The following DAB1 variants were observed in gnomAD, a reference collection of about 807,000 sequenced individuals.
DAB1 encodes the protein disabled homolog 1.
In DAB1, 15 loss-of-function variants were observed where a neutral mutation model predicts 64.6. The observed-to-expected ratio is 0.23, with a 90% CI of 0.16 to 0.36. The LOEUF (loss-of-function observed/expected upper bound fraction) is 0.36. DAB1 is among the 10% of genes least tolerant of loss of function. The pLI is 1.00. For missense variants in DAB1, 596 were observed against 706.7 expected, an observed-to-expected ratio of 0.84 and a Z score of 1.78; for synonymous variants, 235 against 251.9, an observed-to-expected ratio of 0.93 and a Z score of 0.64.
intron 6 of DAB1, among the ~76,000 whole-genome samples, chr1:57,691,494 C>A (rs763767784): frequency 3.9e-5 from 6 of 152,048 alleles, no homozygotes; most frequent in Non-Finnish European, 8.8e-5. Context: ...GCTGTGGAAG[C>A]TTTATTCTTT....
At chr1:57,287,818 C>T (rs534616912) in intron 2 of DAB1, among the ~76,000 whole-genome samples, 18 of 45,690 alleles carry the variant, frequency 3.9e-4, no homozygotes, top group African/African-American at 1.2e-3. Context: ...TTATTTGAGA[C>T]GGAGTCTCAT....
chr1:58,077,561 T>C (rs1435430631), intron 5 of DAB1, among the ~76,000 whole-genome samples: 2 of 152,188 alleles, frequency 1.3e-5, no homozygotes, highest in Non-Finnish European at 2.9e-5. Flanking sequence ...TTGACAATCT[T>C]ATGTAATTCC....
chr1:58,362,860 G>C (rs766488763), intron 3 of DAB1, among the ~76,000 whole-genome samples: 9 of 152,242 alleles, frequency 5.9e-5, no homozygotes, highest in Non-Finnish European at 1.3e-4. Context: ...GTCTTAGCCA[G>C]CTTGGGCTTC....
intron 5 of DAB1, among the ~76,000 whole-genome samples, chr1:58,060,676 A>C (rs1648441244): frequency 2.0e-5 from 3 of 152,232 alleles, no homozygotes; most frequent in Admixed American, 1.3e-4. Context: ...CTGGCCTGAG[A>C]ACAGAGAAGC....
At chr1:57,606,648 A>AT in intron 7 of DAB1, among the ~76,000 whole-genome samples, 1 of 97,566 alleles carries the variant, frequency 1.0e-5, no homozygotes, top group African/African-American at 4.9e-5. Context: ...TATGAAATAT[A>AT]TATTATGTAT....
intron 4 of DAB1, among the ~76,000 whole-genome samples, chr1:58,292,401 T>C (rs77394348): frequency 8.2e-4 from 125 of 152,334 alleles, no homozygotes; most frequent in African/African-American, 2.8e-3. Flanking sequence ...TTAGAGCCTA[T>C]GCTGTCATAC....
intron 1 of DAB1, among the ~76,000 whole-genome samples, chr1:57,382,926 C>T (rs1308122059): frequency 2.0e-5 from 3 of 151,948 alleles, no homozygotes; most frequent in African/African-American, 7.3e-5. Context: ...TGTTAGCAAA[C>T]AGACAAACAA....
At chr1:58,488,061 A>G (rs1557437107) in intron 3 of DAB1, among the ~76,000 whole-genome samples, 1 of 152,132 alleles carries the variant, frequency 6.6e-6, no homozygotes, top group Non-Finnish European at 1.5e-5. Flanking sequence ...TTATAGTTCT[A>G]TATTTCTTTT....
intron 5 of DAB1, among the ~76,000 whole-genome samples, chr1:58,133,275 G>T (rs1002365858): frequency 6.6e-6 from 1 of 152,090 alleles, no homozygotes; most frequent in African/African-American, 2.4e-5. Context: ...TTCTACAGAG[G>T]CTCCATTTCC....
chr1:57,431,486 C>T (rs1685515406), intron 7 of DAB1, among the ~76,000 whole-genome samples: 1 of 152,224 alleles, frequency 6.6e-6, no homozygotes, highest in Non-Finnish European at 1.5e-5. Flanking sequence ...TATGCAGCTT[C>T]ATCACAACAG....
intron 1 of DAB1, among the ~76,000 whole-genome samples, chr1:57,304,849 A>G (rs1673998041): frequency 6.6e-6 from 1 of 152,218 alleles, no homozygotes; most frequent in South Asian, 2.1e-4. Flanking sequence ...TATTTCTCCT[A>G]TGATGAGAAA....
chr1:57,767,410 C>T (rs537920263), intron 6 of DAB1, among the ~76,000 whole-genome samples: 116 of 152,276 alleles, frequency 7.6e-4, no homozygotes, highest in African/African-American at 2.6e-3. Context: ...ATTTCTTATG[C>T]TACACTGCTC....
intron 1 of DAB1, among the ~76,000 whole-genome samples, chr1:57,854,675 C>A (rs1336068475): frequency 6.6e-6 from 1 of 152,186 alleles, no homozygotes; most frequent in Admixed American, 6.5e-5. Context: ...GGTCTGGTTG[C>A]TTCTCAATCT....
chr1:58,049,258 G>C, intron 5 of DAB1: 1 of 747,382 alleles, frequency 1.3e-6, no homozygotes. Flanking sequence ...TTCCTAAGCT[G>C]TTCGGGCTCT....
At chr1:57,138,605 G>T (rs1451949271) in intron 3 of DAB1, among the ~76,000 whole-genome samples, 1 of 152,116 alleles carries the variant, frequency 6.6e-6, no homozygotes, top group African/African-American at 2.4e-5. Context: ...CGCATTCAAT[G>T]GTTTCTAGAT....
chr1:58,538,859 G>A (rs1569978864), intron 1 of DAB1: 1 of 871,998 alleles, frequency 1.1e-6, no homozygotes, highest in Non-Finnish European at 2.0e-6. Context: ...AGAGGAACCG[G>A]AGCAGCTTGA....
chr1:57,809,399 T>G (rs201059224), intron 6 of DAB1, among the ~76,000 whole-genome samples: 1 of 152,220 alleles, frequency 6.6e-6, no homozygotes, highest in African/African-American at 2.4e-5. Context: ...GCAGGTATCA[T>G]TATCCCTGTT....
intron 7 of DAB1, among the ~76,000 whole-genome samples, chr1:57,559,334 G>A (rs1446177175): frequency 6.6e-6 from 1 of 152,192 alleles, no homozygotes; most frequent in Non-Finnish European, 1.5e-5. Flanking sequence ...ACTTGAGCCA[G>A]TTTATAGACT....
At chr1:57,450,077 C>T (rs17115791) in intron 7 of DAB1, among the ~76,000 whole-genome samples, 5,869 of 152,252 alleles carry the variant, frequency 0.039, 191 homozygotes, top group East Asian at 0.17. Flanking sequence ...GAAAACATCC[C>T]TTATCCAAAA....
Sources: allele counts gnomAD v4.1 joint callset (sites outside exome capture counted in the v4.1 genomes callset), GRCh38; gene constraint gnomAD v4.1.1; transcripts MANE v1.5; gene names NCBI Gene and HGNC (gene_info 2026-07-23, HGNC 2026-07-21).